Variants in BBS9 observed in about 807,000 individuals in gnomAD.
BBS9 encodes the protein Bardet-Biedl syndrome 9, also known as protein PTHB1.
In BBS9, 89 loss-of-function variants were observed where a neutral mutation model predicts 117.7. That is an observed-to-expected ratio of 0.76 (90% CI 0.64 to 0.90). The LOEUF is 0.90. BBS9 is among the 40% of genes least tolerant of loss of function. The pLI is 0.00. For synonymous variants in BBS9, 379 were observed against 370.9 expected (o/e 1.02, Z -0.25); for missense variants, 982 against 1,042.2 (o/e 0.94, Z 0.80).
chr7:33,437,353 A>G (rs916161694), intron 19 of BBS9, among the ~76,000 whole-genome samples: 4 of 152,182 alleles, frequency 2.6e-5, no homozygotes, highest in Non-Finnish European at 4.4e-5. Context: ...GAGAGTGATC[A>G]TCAAATAGAG....
chr7:33,234,346 T>G (rs1364719725), intron 5 of BBS9, among the ~76,000 whole-genome samples: 1 of 152,040 alleles, frequency 6.6e-6, no homozygotes, highest in Non-Finnish European at 1.5e-5. Context: ...TGAGGTATAG[T>G]TGACAATTAA....
At chr7:33,251,150 A>G (rs919170933) in intron 5 of BBS9, among the ~76,000 whole-genome samples, 5 of 152,172 alleles carry the variant, frequency 3.3e-5, no homozygotes, top group African/African-American at 1.2e-4. Context: ...TCAGAGGAAG[A>G]TTTGGCTCCA....
At chr7:33,509,772 C>G (rs1455561611) in intron 20 of BBS9, among the ~76,000 whole-genome samples, 1 of 152,152 alleles carries the variant, frequency 6.6e-6, no homozygotes, top group Non-Finnish European at 1.5e-5. Flanking sequence ...TGTTTTCTCC[C>G]TAATGACATC....
intron 19 of BBS9, among the ~76,000 whole-genome samples, chr7:33,452,021 A>C (rs1164263179): frequency 6.6e-6 from 1 of 151,848 alleles, no homozygotes; most frequent in Non-Finnish European, 1.5e-5. Context: ...TTTAGTAGAG[A>C]GGGGGTTTTG....
intron 20 of BBS9, among the ~76,000 whole-genome samples, chr7:33,532,938 C>T (rs1717434911): frequency 6.6e-6 from 1 of 152,122 alleles, no homozygotes; most frequent in Non-Finnish European, 1.5e-5. Context: ...GTGCTCTAGG[C>T]CTTACCAGCC....
intron 7 of BBS9, among the ~76,000 whole-genome samples, chr7:33,270,586 A>G (rs1310510704): frequency 6.6e-6 from 1 of 152,232 alleles, no homozygotes; most frequent in Non-Finnish European, 1.5e-5. Flanking sequence ...TATTAATGGC[A>G]GAAGAGACCA....
chr7:33,341,140 A>G (rs1178525035), intron 11 of BBS9, among the ~76,000 whole-genome samples, 167 bp downstream of exon 11: 1 of 152,202 alleles, frequency 6.6e-6, no homozygotes, highest in African/African-American at 2.4e-5. Context: ...GTAGCCCCTT[A>G]GTGCCAGTAA....
intron 1 of BBS9, among the ~76,000 whole-genome samples, chr7:33,145,328 A>G (rs941729429): frequency 2.0e-5 from 3 of 152,176 alleles, no homozygotes; most frequent in Admixed American, 2.0e-4. Flanking sequence ...TTGTAATTCA[A>G]AAGGTCCAAG....
chr7:33,409,396 CCATT>C (rs1396218701), intron 19 of BBS9, among the ~76,000 whole-genome samples: 1 of 152,162 alleles, frequency 6.6e-6, no homozygotes, highest in African/African-American at 2.4e-5. Flanking sequence ...TATCCCAGCA[CCATT>C]CATTGAATAG....
chr7:33,316,349 A>T (rs552142126), intron 9 of BBS9, among the ~76,000 whole-genome samples: 2 of 152,328 alleles, frequency 1.3e-5, no homozygotes, highest in African/African-American at 2.4e-5. Context: ...TACCATAATT[A>T]AAAAATCTCT....
intron 19 of BBS9, among the ~76,000 whole-genome samples, chr7:33,466,291 C>G (rs34305091): frequency 0.17 from 26,292 of 152,012 alleles, 2,508 homozygotes; most frequent in South Asian, 0.21. Flanking sequence ...AACTTTTGTA[C>G]TCTTTGACCA....
intron 4 of BBS9, among the ~76,000 whole-genome samples, chr7:33,167,238 C>T (rs1294222247): frequency 1.3e-5 from 2 of 152,074 alleles, no homozygotes; most frequent in Non-Finnish European, 2.9e-5. Context: ...GGTATTTTGA[C>T]TTGGATCATG....
intron 21 of BBS9, among the ~76,000 whole-genome samples, chr7:33,538,820 G>A (rs1297305292): frequency 6.7e-6 from 1 of 150,276 alleles, no homozygotes; most frequent in Non-Finnish European, 1.5e-5. Flanking sequence ...ATGCTATTGT[G>A]AAGTGGACTT....
At chr7:33,604,383 A>T (rs1238605962) in intron 21 of BBS9, among the ~76,000 whole-genome samples, 2 of 152,134 alleles carry the variant, frequency 1.3e-5, no homozygotes, top group Non-Finnish European at 2.9e-5. Flanking sequence ...GGGATTCAGG[A>T]ATAGAATCAA....
chr7:33,600,873 C>CTCT (rs1344377317), intron 21 of BBS9, among the ~76,000 whole-genome samples: 1 of 152,154 alleles, frequency 6.6e-6, no homozygotes, highest in Non-Finnish European at 1.5e-5. Flanking sequence ...TACCGGCTGC[C>CTCT]TCTTACTCTC....
intron 5 of BBS9, among the ~76,000 whole-genome samples, chr7:33,199,402 T>C (rs1299832189): frequency 2.0e-5 from 3 of 151,950 alleles, no homozygotes; most frequent in Non-Finnish European, 4.4e-5. Flanking sequence ...TTTCCCCCAG[T>C]TTCAAGATTA....
Position 33,441,483 on chromosome 7 carries a change from C to T in BBS9, c.2115+53339C>T, listed in dbSNP as rs115577117. Reference sequence around the variant, plus strand: ...TCATAAAATGAAAATCACAATAATACCTTGTGGAAACTTAATTCATCATTT... The same window carrying T: ...TCATAAAATGAAAATCACAATAATATCTTGTGGAAACTTAATTCATCATTT... On this transcript the variant is annotated intron_variant, in intron 19 of 22. Coordinates refer to ENST00000242067, the MANE Select transcript of BBS9 (RefSeq NM_198428.3). Among the ~76,000 whole-genome samples the T allele has an allele frequency of 2.4e-3, 358 of 152,068 alleles. 2 individuals carry two copies. The highest frequency in any genetic ancestry group is 8.4e-3 in the African/African-American group (348 of 41,468).
intron 9 of BBS9, among the ~76,000 whole-genome samples, chr7:33,330,584 T>A (rs1813821663): frequency 6.6e-6 from 1 of 152,246 alleles, no homozygotes; most frequent in Non-Finnish European, 1.5e-5. Context: ...TAGTTTCATA[T>A]TTTTAAATTG....
chr7:33,502,190 G>A (rs1845551202), intron 19 of BBS9, among the ~76,000 whole-genome samples: 1 of 152,188 alleles, frequency 6.6e-6, no homozygotes, highest in African/African-American at 2.4e-5. Context: ...TTACAGGTGT[G>A]AGTCACACGC....
Sources: allele counts gnomAD v4.1 joint callset (sites outside exome capture counted in the v4.1 genomes callset), GRCh38; gene constraint gnomAD v4.1.1; transcripts MANE v1.5; gene names NCBI Gene and HGNC (gene_info 2026-07-23, HGNC 2026-07-21).